Variants in ADAT3 observed in about 807,000 individuals in gnomAD.
ADAT3 encodes tRNA-specific adenosine-34 deaminase regulatory subunit ADAT3.
A neutral mutation model predicts 3.5 loss-of-function variants in ADAT3; 2 were observed. That is an observed-to-expected ratio of 0.57 (90% CI 0.23 to 1.79). The LOEUF (loss-of-function observed/expected upper bound fraction) is 1.79. ADAT3 is among the 40% of genes most tolerant of loss of function. The probability of loss-of-function intolerance (pLI) is 0.18; values close to 1 mark genes in which losing one functional copy is unlikely to be tolerated. For missense variants in ADAT3, 735 were observed against 571.4 expected (o/e 1.29, Z -2.92); for synonymous variants, 358 against 270.3 (o/e 1.32, Z -3.18).
In ADAT3 at chr19:1,913,390, C is replaced by G; in HGVS notation, c.*239C>G. The stretch of plus-strand genomic sequence containing the variant: ...GGCCGCCCTTGCTGCGTTTGTGTCC[C>G]CTCTGTCTCGCGGGCCGGGAAACTG... On this transcript the variant is annotated 3_prime_UTR_variant, in exon 2 of 2. Coordinates refer to ENST00000329478, the MANE Select transcript of ADAT3 (RefSeq NM_138422.4). 1.6e-6 allele frequency: 1 copy of G among 622,936 alleles called. No homozygotes were observed. The highest frequency in any genetic ancestry group is 2.1e-5 in the South Asian group (1 of 46,942). The allele number at this position is 622,936 out of a possible 1,614,324, so 38.6% of individuals were successfully genotyped here. A position where few individuals can be genotyped will look rare whatever the true frequency, so the allele number is the denominator to read the frequency against.
At chr19:1,909,928 CTT>C (rs1473232448) in intron 1 of ADAT3, among the ~76,000 whole-genome samples, 2 of 152,266 alleles carry the variant, frequency 1.3e-5, no homozygotes, top group African/African-American at 2.4e-5. Flanking sequence ...TGAGGTCTCT[CTT>C]TTCCTAGCCC....
intron 1 of ADAT3, among the ~76,000 whole-genome samples, chr19:1,911,509 G>A (rs2013445972): frequency 6.6e-6 from 1 of 152,302 alleles, no homozygotes; most frequent in South Asian, 2.1e-4. Flanking sequence ...GTCTTGGCTG[G>A]GCGCAGTGAC....
rs1019943354 is a variant in ADAT3, at chr19:1,913,296, C to T, written c.*145C>T. On this transcript the variant is annotated 3_prime_UTR_variant, in exon 2 of 2. Transcript: ENST00000329478. The stretch of plus-strand genomic sequence containing the variant: ...CTCCAGCGGGGAGCACGGGTGCTGC[C>T]TTCCGTGCGGATCGAGCTTTCCTGG... 2.4e-6 allele frequency: 3 copies of T among 1,254,228 alleles called. No individual in the cohort carries two copies. The highest frequency in any genetic ancestry group is 3.1e-5 in the African/African-American group (2 of 64,944). 77.7% of individuals were successfully genotyped at this position (1,254,228 alleles called of 1,614,324 possible).
At chr19:1,911,726 T>C (rs575491038) in intron 1 of ADAT3, among the ~76,000 whole-genome samples, 164 bp from the exon 2 acceptor site, 1 of 152,226 alleles carries the variant, frequency 6.6e-6, no homozygotes, top group East Asian at 1.9e-4. Context: ...GAGGTTGCAG[T>C]GAGCTGAGAT....
intron 1 of ADAT3, chr19:1,906,165 G>A (rs571256854): frequency 1.3e-5 from 2 of 152,024 alleles, no homozygotes; most frequent in Admixed American, 6.6e-5. Context: ...TTCGAGACCA[G>A]CCTGTCTAAC....
Position 1,913,038 on chromosome 19 carries a change from G to T in ADAT3, c.991G>T (p.Gly331Cys). 1 of 1,603,772 alleles carries T rather than the reference G, an allele frequency of 6.2e-7. No homozygotes were observed. The change falls in exon 2 of 2, where the codon GGC (glycine) becomes TGC (cysteine). Residue 331 changes from glycine (G) to cysteine (C), a missense_variant. By Grantham distance (159) the Gly-to-Cys change is radical. Transcript: ENST00000329478. ...RVFYGAPSPD[G>C]ALGTRFRIHA... Reference sequence around the variant, plus strand: ...CTTCTACGGTGCGCCCTCGCCCGACGGCGCCCTGGGCACCCGCTTCCGCAT... The same window carrying T: ...CTTCTACGGTGCGCCCTCGCCCGACTGCGCCCTGGGCACCCGCTTCCGCAT...
At position 1,912,392 on chromosome 19, in the gene ADAT3, G is replaced by A; in HGVS notation, c.345G>A (p.Pro115=). Residue 115 remains proline (P), a synonymous_variant, in exon 2 of 2, where the codon CCG becomes CCA. Transcript: ENST00000329478. ...ALEMLLCLAG[P]ASGPRSLAEL... is the part of the protein sequence containing the mutation. ...AGATGCTGCTTTGCCTGGCTGGGCC[G>A]GCCTCGGGCCCGCGCTCGCTGGCTG... 5 of 1,517,934 alleles carry A rather than the reference G, an allele frequency of 3.3e-6. No homozygotes were observed. Among genetic ancestry groups the A allele is most frequent in the Non-Finnish European group, 4.4e-6 (5 of 1,140,270 alleles). 94.0% of individuals were successfully genotyped at this position (1,517,934 alleles called of 1,614,324 possible).
chr19:1,911,023 G>A (rs1438770623), intron 1 of ADAT3, among the ~76,000 whole-genome samples: 5 of 152,068 alleles, frequency 3.3e-5, no homozygotes, highest in South Asian at 4.1e-4. Context: ...CTACAGGTGC[G>A]TGCCACCAGG....
intron 1 of ADAT3, among the ~76,000 whole-genome samples, chr19:1,911,023 G>C (rs1438770623): frequency 6.6e-6 from 1 of 152,068 alleles, no homozygotes; most frequent in Admixed American, 6.6e-5. Context: ...CTACAGGTGC[G>C]TGCCACCAGG....
intron 1 of ADAT3, chr19:1,905,929 T>C (rs2013089271): frequency 6.6e-6 from 1 of 152,246 alleles, no homozygotes; most frequent in Non-Finnish European, 1.5e-5. Context: ...CATCGTTACC[T>C]AGAGTATGAG....
chr19:1,905,605 C>T (rs2013062334), intron 1 of ADAT3, 166 bp downstream of exon 1: 2 of 166,182 alleles, frequency 1.2e-5, no homozygotes, highest in Non-Finnish European at 2.9e-5. Flanking sequence ...GGCCGGTGGG[C>T]GACGCGGGGA....
intron 1 of ADAT3, among the ~76,000 whole-genome samples, chr19:1,907,745 A>AG (rs1599230040): frequency 6.6e-6 from 1 of 151,758 alleles, no homozygotes; most frequent in Admixed American, 6.6e-5. Context: ...TGCCCTCCTG[A>AG]GGGGTCCCAG....
At chr19:1,910,575 CTTT>C (rs11350651) in intron 1 of ADAT3, among the ~76,000 whole-genome samples, 18 of 95,072 alleles carry the variant, frequency 1.9e-4, no homozygotes, top group Admixed American at 2.2e-4. Context: ...TTTGAGGTGT[CTTT>C]TTTTTTTTTT....
chr19:1,912,428 A>C lies in ADAT3; in HGVS notation c.381A>C (p.Pro127=), dbSNP rs1324464225. ...CGCGCTCGCTGGCTGAGCTCCTGCC[A>C]CGGCCGGCTGTGGACCCCCGCGGCC... ...SGPRSLAELL[P]RPAVDPRGLG... The change falls in exon 2 of 2, where the codon CCA becomes CCC. Residue 127 remains proline, a synonymous_variant. Transcript: ENST00000329478. The C allele has an allele frequency of 1.3e-6, 2 of 1,511,650 alleles. No homozygotes were observed. Among genetic ancestry groups the C allele is most frequent in the South Asian group, 1.2e-5 (1 of 81,368 alleles). The allele number at this position is 1,511,650 out of a possible 1,614,324, so 93.6% of individuals were successfully genotyped here.
In ADAT3 at chr19:1,912,219, C is replaced by T; in HGVS notation, c.172C>T (p.Leu58=). The T allele has an allele frequency of 1.3e-6, 2 of 1,594,214 alleles. No individual in the cohort carries two copies. Among genetic ancestry groups the T allele is most frequent in the Non-Finnish European group, 1.7e-6 (2 of 1,173,494 alleles). Residue 58 remains leucine, a synonymous_variant, in exon 2 of 2, where the codon CTG becomes TTG. Transcript: ENST00000329478. ...CGAGAAGCAGTCAGGGGACGTGGAG[C>T]TGGTGCTGGCCTACGCCGCGCCCGT... ...LSEKQSGDVE[L]VLAYAAPVLD... is the part of the protein sequence containing the mutation.
At chr19:1,911,596 C>T (rs993801886) in intron 1 of ADAT3, among the ~76,000 whole-genome samples, 4 of 152,252 alleles carry the variant, frequency 2.6e-5, no homozygotes, top group South Asian at 2.1e-4. Flanking sequence ...GCCTGAACGA[C>T]GTGGTGAAAT....
chr19:1,908,069 G>A lies in ADAT3; in HGVS notation c.-159+2630G>A, dbSNP rs2013231645. On this transcript the variant is annotated intron_variant, in intron 1 of 1. Coordinates refer to ENST00000329478, the MANE Select transcript of ADAT3 (RefSeq NM_138422.4). This position sits in a 1 kb window ranked among gnomAD's most constrained non-coding sequence, Gnocchi z 4.2. ...TACTCTTGGAGGGACAAGCGAGGCT[G>A]TGTTTGTCTTTTACCCTGGAGACAG... 1 of 173,274 alleles carries A rather than the reference G, an allele frequency of 5.8e-6. No homozygotes were observed. Among genetic ancestry groups the A allele is most frequent in the Non-Finnish European group, 1.2e-5 (1 of 81,042 alleles). The allele number at this position is 173,274 out of a possible 1,614,324, so 10.7% of individuals were successfully genotyped here. A position where few individuals can be genotyped will look rare whatever the true frequency, so the allele number is the denominator to read the frequency against.
chr19:1,911,012 A>G (rs950260558), intron 1 of ADAT3, among the ~76,000 whole-genome samples: 5 of 152,086 alleles, frequency 3.3e-5, no homozygotes, highest in African/African-American at 1.2e-4. Context: ...AGTAGCTGGG[A>G]CTACAGGTGC....
rs2013594058 is a variant in ADAT3 at position 1,913,213 on chromosome 19, T to A, written c.*62T>A. Reference sequence around the variant, plus strand: ...GGCCGTGGGGCGCCCCTCCTGGACTTCCGGGCCTCGATTTCTTCCGCACAA... The same window carrying A: ...GGCCGTGGGGCGCCCCTCCTGGACTACCGGGCCTCGATTTCTTCCGCACAA... On this transcript the variant is annotated 3_prime_UTR_variant, in exon 2 of 2. Transcript: ENST00000329478. The A allele has an allele frequency of 1.4e-6, 2 of 1,456,916 alleles. No individual in the cohort carries two copies. Among genetic ancestry groups the A allele is most frequent in the South Asian group, 1.4e-5 (1 of 69,670 alleles). 90.2% of individuals were successfully genotyped at this position (1,456,916 alleles called of 1,614,324 possible).
Sources: gnomAD v4.1 joint callset for allele counts (sites outside exome capture counted in the v4.1 genomes callset) on GRCh38, gnomAD v4.1.1 for gene constraint, Gnocchi (gnomAD v3.1) non-coding constraint, MANE v1.5 for transcripts, NCBI Gene and HGNC (gene_info 2026-07-23, HGNC 2026-07-21) for gene names.